TNRC18: variants seen among roughly 807,000 people sequenced by gnomAD.
The protein encoded by TNRC18 is trinucleotide repeat-containing gene 18 protein.
TNRC18 carries 69 observed loss-of-function variants against 226.7 expected under a neutral mutation model. The ratio of observed to expected loss-of-function variants is 0.30; its 90% CI spans 0.25 to 0.37. The LOEUF (loss-of-function observed/expected upper bound fraction) is 0.37, where lower values mean the gene tolerates loss of function less well. TNRC18 is among the 10% of genes least tolerant of loss of function. The pLI is 1.00. For missense variants in TNRC18, 4,754 were observed against 4,256.6 expected (o/e 1.12, Z -3.25); for synonymous variants, 2,449 against 1,927.6 (o/e 1.27, Z -7.09).
chr7:5,396,728 G>A (rs1016802158), intron 2 of TNRC18, among the ~76,000 whole-genome samples: 1 of 152,028 alleles, frequency 6.6e-6, no homozygotes, highest in Non-Finnish European at 1.5e-5. Flanking sequence ...CTCCTTTAAG[G>A]CCCTGTGTTG....
chr7:5,419,326 C>T (rs1055151034), intron 2 of TNRC18, among the ~76,000 whole-genome samples: 3 of 152,206 alleles, frequency 2.0e-5, no homozygotes, highest in East Asian at 3.9e-4. Context: ...GGGGAGTGCG[C>T]GACGCCCCTT....
chr7:5,313,690 G>C lies in TNRC18; in HGVS notation c.7201C>G (p.Pro2401Ala). The change falls in exon 27 of 30, where the codon CCC (proline) becomes GCC (alanine). Residue 2401 changes from proline (P) to alanine (A), a missense_variant. Transcript: ENST00000430969. Reference protein sequence around the residue: ...PAPPQPSPAPPAFTSCPAPEP... With the variant: ...PAPPQPSPAPAAFTSCPAPEP... ...GGTGCTGGGCAGCTGGTGAAGGCGG[G>C]TGGTGCGGGACTGGGCTGCGGCGGT... 6.2e-7 allele frequency: 1 copy of C among 1,605,688 alleles called. No homozygotes were observed.
At chr7:5,311,468 T>C (rs1787198726) in intron 27 of TNRC18, among the ~76,000 whole-genome samples, 3 of 152,200 alleles carry the variant, frequency 2.0e-5, no homozygotes, top group African/African-American at 7.2e-5. Context: ...TACCTTCTGC[T>C]GGGACTGCCA....
At chr7:5,315,398 G>GT (rs1199065229) in intron 25 of TNRC18, among the ~76,000 whole-genome samples, 1 of 149,424 alleles carries the variant, frequency 6.7e-6, no homozygotes. Flanking sequence ...GGTGGATAAA[G>GT]ATGCTGACTT....
intron 18 of TNRC18, among the ~76,000 whole-genome samples, chr7:5,336,847 G>A (rs74302777): frequency 3.4e-4 from 52 of 152,340 alleles, no homozygotes; most frequent in African/African-American, 1.0e-3. Flanking sequence ...AAAAGTAAGC[G>A]AGTGAGTTTA....
At chr7:5,415,252 G>C (rs1024673428) in intron 2 of TNRC18, among the ~76,000 whole-genome samples, 1 of 151,962 alleles carries the variant, frequency 6.6e-6, no homozygotes, top group South Asian at 2.1e-4. Context: ...TTGCATGCAG[G>C]AAAAAGGTCA....
chr7:5,377,131 C>T lies in TNRC18; in HGVS notation c.2462-138G>A, dbSNP rs1386675806. 1 of 1,320,026 alleles carries T rather than the reference C, an allele frequency of 7.6e-7. No individual in the cohort carries two copies. 81.8% of individuals were successfully genotyped at this position (1,320,026 alleles called of 1,614,324 possible). On this transcript the variant is annotated intron_variant, in intron 7 of 29. Transcript: ENST00000430969. The surrounding 1 kb of genome is among the most constrained non-coding windows in gnomAD (Gnocchi z 5.8). ...GTGGGGAAGCCAAGGGACAGGGGTG[C>T]TGGCTGGCTGCAAAGAGCACCCCAG...
In TNRC18 at chr7:5,333,001, T is replaced by G; in HGVS notation, c.5768A>C (p.Lys1923Thr). The G allele has an allele frequency of 6.3e-7, 1 of 1,576,202 alleles. No individual in the cohort carries two copies. Among genetic ancestry groups the G allele is most frequent in the Non-Finnish European group, 8.6e-7 (1 of 1,169,348 alleles). The change falls in exon 19 of 30, where the codon AAG becomes ACG. Residue 1923 changes from lysine to threonine, a missense_variant. Physicochemically the swap from Lys to Thr is moderately conservative, Grantham distance 78 (BLOSUM62 -1). Transcript: ENST00000430969. Reference protein sequence around the residue: ...TDSESEVKVRKRSPAGLLRPK... With the variant: ...TDSESEVKVRTRSPAGLLRPK... ...CCGCAGCAGCCCCGCAGGCGACCGC[T>G]TGCGCACCTTGACCTCGCTCTCTGA...
At position 5,421,208 on chromosome 7, in the gene TNRC18, G is replaced by T; in HGVS notation, c.39C>A (p.His13Gln). The change falls in exon 2 of 30, where the codon CAC becomes CAA. Residue 13 changes from histidine (H) to glutamine (Q), a missense_variant. Physicochemically the swap from His to Gln is conservative, Grantham distance 24. Coordinates refer to ENST00000430969, the MANE Select transcript of TNRC18 (RefSeq NM_001080495.3). ...CGGACAGCAGCGGCGGCGGGGGACC[G>T]TGCACGGACCGCTGGGGCCCGAAGT... ...GRDFGPQRSV[H>Q]GPPPPLLSGL... 7.5e-7 allele frequency: 1 copy of T among 1,340,330 alleles called. No individual in the cohort carries two copies. The highest frequency in any genetic ancestry group is 9.6e-7 in the Non-Finnish European group (1 of 1,043,074). The allele number at this position is 1,340,330 out of a possible 1,614,324, so 83.0% of individuals were successfully genotyped here.
At chr7:5,351,782 G>A (rs981104962) in intron 17 of TNRC18, 37 bp downstream of exon 17, 6 of 1,532,026 alleles carry the variant, frequency 3.9e-6, no homozygotes, top group East Asian at 4.6e-5. Flanking sequence ...CTCTCGCTAG[G>A]AAACACGGAA....
intron 2 of TNRC18, among the ~76,000 whole-genome samples, chr7:5,402,526 C>A (rs2077339368): frequency 6.6e-6 from 1 of 150,668 alleles, no homozygotes; most frequent in African/African-American, 2.4e-5. Flanking sequence ...GAGCGAGACC[C>A]TGTCTCAAAA....
intron 22 of TNRC18, 45 bp from the exon 23 acceptor site, chr7:5,320,652 C>T: frequency 6.4e-7 from 1 of 1,557,392 alleles, no homozygotes; most frequent in Non-Finnish European, 8.8e-7. Flanking sequence ...CCGAGACCTC[C>T]CCAGAGGGCC....
At chr7:5,361,473 G>A in intron 14 of TNRC18, 121 bp downstream of exon 14, 3 of 1,237,256 alleles carry the variant, frequency 2.4e-6, no homozygotes, top group African/African-American at 1.6e-5. Context: ...ACTGCTGCGG[G>A]TAGGTCAGAG....
At position 5,313,352 on chromosome 7, in the gene TNRC18, G is replaced by T; in HGVS notation, c.7539C>A (p.Pro2513=). 6.4e-7 allele frequency: 1 copy of T among 1,562,658 alleles called. No homozygotes were observed. The highest frequency in any genetic ancestry group is 2.4e-5 in the East Asian group (1 of 41,786). The part of the protein sequence containing the change: ...SYPPAAGSSE[P]KAPWPKATDG... ...CGGTGGCCTTGGGCCAGGGTGCCTTGGGCTCGCTGCTGCCGGCCGCGGGGG... is the reference window on the plus strand; with the variant it reads ...CGGTGGCCTTGGGCCAGGGTGCCTTTGGCTCGCTGCTGCCGGCCGCGGGGG... The change falls in exon 27 of 30, where the codon CCC becomes CCA. Residue 2513 remains proline, a synonymous_variant. Coordinates refer to ENST00000430969, the MANE Select transcript of TNRC18 (RefSeq NM_001080495.3).
In TNRC18 at chr7:5,321,149, C is replaced by T. The variant is rs749757110; in HGVS notation, c.6484G>A (p.Gly2162Ser). ...CIIDKDELKD[G>S]LRVLIPMDDK... Reference sequence around the variant, plus strand: ...TCCATGGGGATGAGCACACGCAGGCCGTCCTTCAGCTCATCCTTGTCGATG... The same window carrying T: ...TCCATGGGGATGAGCACACGCAGGCTGTCCTTCAGCTCATCCTTGTCGATG... The change falls in exon 22 of 30, where the codon GGC becomes AGC. Residue 2162 changes from glycine to serine, a missense_variant. By Grantham distance (56) the Gly-to-Ser change is moderately conservative. Coordinates refer to ENST00000430969, the MANE Select transcript of TNRC18 (RefSeq NM_001080495.3). 63 of 1,553,630 alleles carry T rather than the reference C, an allele frequency of 4.1e-5. No individual in the cohort carries two copies. The highest frequency in any genetic ancestry group is 5.0e-5 in the Non-Finnish European group (58 of 1,149,374).
At chr7:5,350,659 T>C (rs1410367401) in intron 17 of TNRC18, among the ~76,000 whole-genome samples, 2 of 152,206 alleles carry the variant, frequency 1.3e-5, no homozygotes, top group Admixed American at 6.5e-5. Context: ...CTTCCCTTTC[T>C]TGGGGCATTT....
chr7:5,330,917 C>T (rs919830091), intron 19 of TNRC18, among the ~76,000 whole-genome samples: 2 of 152,088 alleles, frequency 1.3e-5, no homozygotes, highest in African/African-American at 4.8e-5. Flanking sequence ...TCAAGTGATC[C>T]ACCCACCTTG....
At chr7:5,323,674 T>G (rs975096084) in intron 21 of TNRC18, among the ~76,000 whole-genome samples, 8 of 149,906 alleles carry the variant, frequency 5.3e-5, no homozygotes, top group African/African-American at 9.8e-5. Flanking sequence ...TTCAAGTGAT[T>G]CTCCTGCCCC....
intron 17 of TNRC18, among the ~76,000 whole-genome samples, chr7:5,346,168 C>G (rs1791173760): frequency 6.6e-6 from 1 of 152,218 alleles, no homozygotes; most frequent in Non-Finnish European, 1.5e-5. Flanking sequence ...GCACACGCCC[C>G]AACACACAAC....
Sources: gnomAD v4.1 joint callset for allele counts (sites outside exome capture counted in the v4.1 genomes callset) on GRCh38, gnomAD v4.1.1 for gene constraint, Gnocchi (gnomAD v3.1) non-coding constraint, MANE v1.5 for transcripts, NCBI Gene and HGNC (gene_info 2026-07-23, HGNC 2026-07-21) for gene names.